MTA3: variants seen among roughly 807,000 people sequenced by gnomAD.
MTA3 encodes metastasis associated 1 family member 3.
Under a neutral mutation model 83.5 loss-of-function variants are expected in MTA3, and 34 were observed. That is an observed-to-expected ratio of 0.41 (90% confidence interval 0.31 to 0.54). The LOEUF (loss-of-function observed/expected upper bound fraction) is 0.54. Ranked by LOEUF, MTA3 falls within the 20% of genes least tolerant of loss-of-function variation. MTA3 has a pLI of 0.33. For missense variants in MTA3, 761 were observed against 726.4 expected (o/e 1.05, Z -0.55); for synonymous variants, 303 against 252.7 (o/e 1.20, Z -1.89).
At chr2:42,606,199 A>AC (rs372470221) in intron 3 of MTA3, among the ~76,000 whole-genome samples, 1,000 of 96,796 alleles carry the variant, frequency 0.01, 21 homozygotes, top group African/African-American at 0.037. Context: ...CGGGGGGCTG[A>AC]CCCCCCCCCA....
At chr2:42,518,208 A>C (rs1178263774) in intron 2 of MTA3, among the ~76,000 whole-genome samples, 1 of 152,128 alleles carries the variant, frequency 6.6e-6, no homozygotes, top group African/African-American at 2.4e-5. Flanking sequence ...AAGAAAATAC[A>C]GTTGAGTTGC....
At chr2:42,573,726 G>T (rs985499508) in intron 2 of MTA3, among the ~76,000 whole-genome samples, 18 of 152,028 alleles carry the variant, frequency 1.2e-4, no homozygotes, top group African/African-American at 4.1e-4. Context: ...GGCCAGGCTG[G>T]TCTCAAACTC....
intron 16 of MTA3, among the ~76,000 whole-genome samples, chr2:42,735,048 T>C (rs1210131414): frequency 6.6e-6 from 1 of 152,234 alleles, no homozygotes; most frequent in East Asian, 1.9e-4. Context: ...TGCTTACTAT[T>C]ACCAGTAAGT....
At chr2:42,616,333 G>A (rs1399098958) in intron 4 of MTA3, among the ~76,000 whole-genome samples, 1 of 151,894 alleles carries the variant, frequency 6.6e-6, no homozygotes, top group Non-Finnish European at 1.5e-5. Flanking sequence ...AAAGTGTTGG[G>A]ATTACAGGCG....
At chr2:42,682,094 G>C (rs1237881123) in intron 8 of MTA3, among the ~76,000 whole-genome samples, 1 of 151,952 alleles carries the variant, frequency 6.6e-6, no homozygotes, top group Non-Finnish European at 1.5e-5. Flanking sequence ...TGTGGTCCTA[G>C]TTACTCAGGA....
At chr2:42,609,605 A>G in intron 4 of MTA3, 21 bp downstream of exon 4, 1 of 1,612,342 alleles carries the variant, frequency 6.2e-7, no homozygotes, top group Non-Finnish European at 8.5e-7. Flanking sequence ...TTTAGGAACT[A>G]AGGTACTCAG....
intron 3 of MTA3, among the ~76,000 whole-genome samples, chr2:42,579,430 T>TA (rs34558374): frequency 0.64 from 77,232 of 121,400 alleles, 22,201 homozygotes; most frequent in Middle Eastern, 0.73. Context: ...TATATATATA[T>TA]TTTTTTTTTT....
At chr2:42,528,661 G>A (rs1472654520) in intron 2 of MTA3, among the ~76,000 whole-genome samples, 13 of 152,142 alleles carry the variant, frequency 8.5e-5, no homozygotes, top group Non-Finnish European at 4.4e-5. Context: ...TGTGATCTTC[G>A]GAAAATTGCC....
At chr2:42,640,590 G>C (rs1189539705) in intron 5 of MTA3, among the ~76,000 whole-genome samples, 1 of 152,076 alleles carries the variant, frequency 6.6e-6, no homozygotes, top group South Asian at 2.1e-4. Flanking sequence ...TGAATAAATG[G>C]TTTTTCTTTT....
intron 8 of MTA3, among the ~76,000 whole-genome samples, chr2:42,678,526 A>G (rs1222310905): frequency 1.3e-5 from 2 of 151,810 alleles, no homozygotes; most frequent in African/African-American, 4.8e-5. Flanking sequence ...ACAGAGTTTC[A>G]CCATATTGGC....
chr2:42,551,064 TAAATA>T (rs1558430302), intron 2 of MTA3, among the ~76,000 whole-genome samples: 89 of 150,982 alleles, frequency 5.9e-4, no homozygotes, highest in African/African-American at 2.0e-3. Context: ...AATAAATAAA[TAAATA>T]AATAAATAAA....
At chr2:42,543,584 C>G (rs957228623) in intron 2 of MTA3, among the ~76,000 whole-genome samples, 2 of 151,804 alleles carry the variant, frequency 1.3e-5, no homozygotes, top group Non-Finnish European at 2.9e-5. Context: ...CTCCTGGACT[C>G]AAGCAATCCT....
At chr2:42,633,950 A>C (rs1218552971) in intron 4 of MTA3, among the ~76,000 whole-genome samples, 1 of 152,172 alleles carries the variant, frequency 6.6e-6, no homozygotes, top group Non-Finnish European at 1.5e-5. Context: ...TGTTACCAAG[A>C]TATAATTAAG....
intron 16 of MTA3, among the ~76,000 whole-genome samples, chr2:42,728,471 C>T (rs1667978005): frequency 6.6e-6 from 1 of 152,160 alleles, no homozygotes; most frequent in Admixed American, 6.5e-5. Flanking sequence ...ATTGCTGGAT[C>T]ATATGGTAGT....
intron 16 of MTA3, among the ~76,000 whole-genome samples, chr2:42,751,045 G>T (rs1025056369): frequency 6.6e-6 from 1 of 152,160 alleles, no homozygotes; most frequent in Non-Finnish European, 1.5e-5. Context: ...TGCATAGTCT[G>T]TTATCACTCA....
At chr2:42,565,997 G>A (rs573443994), upstream of MTA3, among the ~76,000 whole-genome samples, 10 of 152,110 alleles carry the variant, frequency 6.6e-5, no homozygotes, top group Admixed American at 3.3e-4. Context: ...CAGCGAGAGC[G>A]AAACTCCGTC....
intron 2 of MTA3, among the ~76,000 whole-genome samples, chr2:42,546,135 A>C (rs1436309690): frequency 6.6e-6 from 1 of 152,200 alleles, no homozygotes; most frequent in Middle Eastern, 3.2e-3. Context: ...GATTTTTAAT[A>C]AGAAACCATT....
chr2:42,577,606 G>C (rs371438037), intron 2 of MTA3, among the ~76,000 whole-genome samples: 2 of 151,704 alleles, frequency 1.3e-5, no homozygotes, highest in South Asian at 2.1e-4. Flanking sequence ...TCAGCCTCCC[G>C]AGTAGCTGGG....
At chr2:42,585,262 A>G (rs1373659660) in intron 3 of MTA3, among the ~76,000 whole-genome samples, 3 of 151,114 alleles carry the variant, frequency 2.0e-5, no homozygotes, top group Non-Finnish European at 4.4e-5. Context: ...CTAATTTTGT[A>G]TTTTTAGTAG....
Sources: gnomAD v4.1 joint callset for allele counts (sites outside exome capture counted in the v4.1 genomes callset) on GRCh38, gnomAD v4.1.1 for gene constraint, MANE v1.5 for transcripts, NCBI Gene and HGNC (gene_info 2026-07-23, HGNC 2026-07-21) for gene names.